The following EDAR variants were observed in gnomAD, a reference collection of about 807,000 sequenced individuals.
The protein encoded by EDAR is ectodysplasin A receptor.
EDAR carries 38 observed loss-of-function variants against 51.3 expected under a neutral mutation model. That is an observed-to-expected ratio of 0.74 (90% CI 0.57 to 0.97). The LOEUF (loss-of-function observed/expected upper bound fraction) is 0.97. EDAR is among the 50% of genes least tolerant of loss of function. The pLI, the probability that EDAR is intolerant of heterozygous loss-of-function variation, is 0.00. For synonymous variants in EDAR, 227 were observed against 242.1 expected, an observed-to-expected ratio of 0.94 and a Z score of 0.58; for missense variants, 528 against 595.0, an observed-to-expected ratio of 0.89 and a Z score of 1.17.
intron 5 of EDAR, among the ~76,000 whole-genome samples, chr2:108,920,905 G>T (rs1370796973): frequency 1.3e-5 from 2 of 152,140 alleles, no homozygotes; most frequent in African/African-American, 4.8e-5. Flanking sequence ...GGCAGGAGAG[G>T]ACATGAGGCT....
intron 1 of EDAR, among the ~76,000 whole-genome samples, chr2:108,934,574 T>TG (rs1229310943): frequency 2.0e-5 from 3 of 152,186 alleles, no homozygotes; most frequent in African/African-American, 7.2e-5. Flanking sequence ...GAAGTTTATT[T>TG]GGGGTTCTGG....
At chr2:108,986,589 A>G (rs1007195516) in intron 1 of EDAR, among the ~76,000 whole-genome samples, 1 of 152,166 alleles carries the variant, frequency 6.6e-6, no homozygotes. Flanking sequence ...TCCCATAATC[A>G]TTATGAGCTG....
At position 108,907,991 on chromosome 2, in the gene EDAR, G is replaced by C; in HGVS notation, c.832C>G (p.Gln278Glu). 1 of 1,610,754 alleles carries C rather than the reference G, an allele frequency of 6.2e-7. No homozygotes were observed. The highest frequency in any genetic ancestry group is 8.5e-7 in the Non-Finnish European group (1 of 1,177,442). ...CTGTCGACGCTCCGGCTCAGCAGCT[G>C]CTCATTCTCGGATGAGGCATCGTTC... is the stretch of plus-strand genomic sequence containing the variant. The part of the protein sequence containing the change: ...SENDASSENE[Q>E]LLSRSVDSDE... The change falls in exon 10 of 12, where the codon CAG (glutamine) becomes GAG (glutamate). Residue 278 changes from glutamine to glutamate, a missense_variant. Physicochemically the swap from Gln to Glu is conservative, Grantham distance 29 (BLOSUM62 2). Coordinates refer to ENST00000258443, the MANE Select transcript of EDAR (RefSeq NM_022336.4).
At chr2:108,897,913 G>C (rs984272250) in intron 11 of EDAR, among the ~76,000 whole-genome samples, 3 of 152,100 alleles carry the variant, frequency 2.0e-5, no homozygotes, top group Non-Finnish European at 2.9e-5. Context: ...GACCAACTAG[G>C]GACCTCGATA....
In EDAR at chr2:108,896,868, C is replaced by T. The variant is rs1369930024; in HGVS notation, c.*39G>A. ...ACAGCTCCAGAGCCCTCGTTGGCTC[C>T]TTGGCTTGTCCTGGGAGGACAGCCC... On this transcript the variant is annotated 3_prime_UTR_variant, in exon 12 of 12. Coordinates refer to ENST00000258443, the MANE Select transcript of EDAR (RefSeq NM_022336.4). 1.9e-6 allele frequency: 3 copies of T among 1,590,714 alleles called. No individual in the cohort carries two copies. In the African/African-American group the frequency reaches 4.0e-5, roughly 21 times the overall value.
Position 108,910,775 on chromosome 2 carries a change from C to T in EDAR, c.730+1G>A, listed in dbSNP as rs1190562138. 1 of 1,613,014 alleles carries T rather than the reference C, an allele frequency of 6.2e-7. No homozygotes were observed. Among genetic ancestry groups the T allele is most frequent in the African/African-American group, 1.3e-5 (1 of 74,982 alleles). The stretch of plus-strand genomic sequence containing the variant: ...GTGTGTGGAAGCCCTGGTTCACAGA[C>T]CTGGGGCCTCTTTCTTCTCCTCGTC... On this transcript the variant is annotated splice_donor_variant, in intron 8 of 11. Coordinates refer to ENST00000258443, the MANE Select transcript of EDAR (RefSeq NM_022336.4). LOFTEE classifies it high-confidence loss of function.
chr2:108,925,038 C>T (rs1272609420), intron 4 of EDAR, among the ~76,000 whole-genome samples: 2 of 152,350 alleles, frequency 1.3e-5, no homozygotes, highest in African/African-American at 4.8e-5. Flanking sequence ...CCTCCTCCAC[C>T]TTTTCTCACT....
intron 1 of EDAR, among the ~76,000 whole-genome samples, chr2:108,937,148 C>T (rs749916740): frequency 5.9e-5 from 9 of 152,334 alleles, no homozygotes; most frequent in Middle Eastern, 6.8e-3. Context: ...AGCACACTGG[C>T]GGGCCCCAGA....
rs1051127761 is a variant in EDAR, at chr2:108,895,619, G to C, written c.*1288C>G. 6.6e-6 allele frequency: 1 copy of C among 152,158 alleles called. No homozygotes were observed. The highest frequency in any genetic ancestry group is 2.1e-4 in the South Asian group (1 of 4,822). The allele number at this position is 152,158 out of a possible 1,614,324, so 9.4% of individuals were successfully genotyped here. A position where few individuals can be genotyped will look rare whatever the true frequency, so the allele number is the denominator to read the frequency against. On this transcript the variant is annotated 3_prime_UTR_variant, in exon 12 of 12. Coordinates refer to ENST00000258443, the MANE Select transcript of EDAR (RefSeq NM_022336.4). ...TTCCATAGAGCACCTCAAAGGCCTG[G>C]CATTTCCTATAGCTCCACTTTCTTT...
intron 1 of EDAR, among the ~76,000 whole-genome samples, chr2:108,962,834 T>C (rs903363405): frequency 6.6e-6 from 1 of 152,080 alleles, no homozygotes; most frequent in Non-Finnish European, 1.5e-5. Context: ...AGAGTGATGC[T>C]GAATTAAAAG....
chr2:108,928,040 G>C (rs948032761), intron 4 of EDAR, among the ~76,000 whole-genome samples: 2 of 152,110 alleles, frequency 1.3e-5, no homozygotes, highest in Non-Finnish European at 1.5e-5. Flanking sequence ...TGGCTCAGCA[G>C]TCTGCGTGTT....
At chr2:108,928,979 G>T (rs776697071) in intron 4 of EDAR, among the ~76,000 whole-genome samples, 3 of 152,176 alleles carry the variant, frequency 2.0e-5, no homozygotes, top group Non-Finnish European at 4.4e-5. Context: ...GGCCACTTAG[G>T]AGACACAGAG....
rs751024194 is a variant in EDAR, at chr2:108,930,257, G to T, written c.52-15C>A. The stretch of plus-strand genomic sequence containing the variant: ...ATCAGAGACACCTGCCAACAAAGGG[G>T]GGTGTTGTGGCCTCCGTACCTCCTT... On this transcript the variant is annotated splice_polypyrimidine_tract_variant and intron_variant, in intron 2 of 11. Coordinates refer to ENST00000258443, the MANE Select transcript of EDAR (RefSeq NM_022336.4). The T allele has an allele frequency of 2.5e-6, 4 of 1,614,058 alleles. No individual in the cohort carries two copies. The South Asian group carries it at 4.4e-5, about 18-fold the overall frequency.
chr2:108,925,397 C>T (rs6732336), intron 4 of EDAR, among the ~76,000 whole-genome samples: 23,627 of 152,204 alleles, frequency 0.16, 3,762 homozygotes, highest in African/African-American at 0.41. Context: ...GGCTACACGG[C>T]GGATGCACAA....
At chr2:108,984,399 C>T (rs1698463789) in intron 1 of EDAR, among the ~76,000 whole-genome samples, 1 of 152,206 alleles carries the variant, frequency 6.6e-6, no homozygotes. Context: ...TTCTGTTTGC[C>T]TTTCCATCAC....
intron 1 of EDAR, among the ~76,000 whole-genome samples, chr2:108,945,794 G>A (rs921756634): frequency 2.0e-5 from 3 of 152,180 alleles, no homozygotes; most frequent in Admixed American, 6.5e-5. Flanking sequence ...TGCTAAGTAA[G>A]ATAAGCCAGT....
chr2:108,913,908 C>T (rs1036311969), intron 5 of EDAR, among the ~76,000 whole-genome samples: 7 of 148,764 alleles, frequency 4.7e-5, no homozygotes, highest in Admixed American at 3.4e-4. Context: ...TGAGATTGCG[C>T]CACTGCACTC....
intron 1 of EDAR, 85 bp from the exon 2 acceptor site, chr2:108,931,117 T>A: frequency 9.2e-7 from 1 of 1,089,068 alleles, no homozygotes; most frequent in Non-Finnish European, 1.4e-6. Context: ...CCACTGGATA[T>A]AAGGTGCCTT....
intron 2 of EDAR, 106 bp from the exon 3 acceptor site, chr2:108,930,348 G>A: frequency 7.7e-7 from 1 of 1,295,920 alleles, no homozygotes; most frequent in South Asian, 1.2e-5. Context: ...TGCGGTGGGG[G>A]CTCTGCTGGG....
Sources: allele counts gnomAD v4.1 joint callset (sites outside exome capture counted in the v4.1 genomes callset), GRCh38; gene constraint gnomAD v4.1.1; transcripts MANE v1.5; gene names NCBI Gene and HGNC (gene_info 2026-07-23, HGNC 2026-07-21).